The following IFIH1 variants were observed in gnomAD, a reference collection of about 807,000 sequenced individuals.
The protein encoded by IFIH1 is interferon-induced helicase C domain-containing protein 1.
IFIH1 carries 125 observed loss-of-function variants against 107.4 expected under a neutral mutation model. The ratio of observed to expected loss-of-function variants is 1.16; its 90% confidence interval spans 1.01 to 1.35. The LOEUF is 1.35. IFIH1 is among the 40% of genes most tolerant of loss of function. The pLI, the probability that IFIH1 is intolerant of heterozygous loss-of-function variation, is 0.00. For synonymous variants in IFIH1, 458 were observed against 413.2 expected, an observed-to-expected ratio of 1.11 and a Z score of -1.31; for missense variants, 1,333 against 1,213.7, an observed-to-expected ratio of 1.10 and a Z score of -1.46.
At position 162,277,440 on chromosome 2, in the gene IFIH1, A is replaced by G. The variant is rs779835794; in HGVS notation, c.2019T>C (p.Asp673=). 4.4e-6 allele frequency: 7 copies of G among 1,609,018 alleles called. No individual in the cohort carries two copies. The Admixed American group carries it at 1.2e-4, about 27-fold the overall frequency. Residue 673 remains aspartate, a synonymous_variant, in exon 10 of 16, where the codon GAT becomes GAC. Transcript: ENST00000649979. ...CAAAAAATAAAGTCATGAGAAATCT[A>G]TCTGTTTCATCCAGTTTCAAAGGTT... is the stretch of plus-strand genomic sequence containing the variant. The part of the protein sequence containing the change: ...LKKPLKLDET[D]RFLMTLFFEN...
At chr2:162,270,803 AT>A (rs1468578615) in intron 13 of IFIH1, among the ~76,000 whole-genome samples, 1 of 152,184 alleles carries the variant, frequency 6.6e-6, no homozygotes, top group African/African-American at 2.4e-5. Context: ...CAAAAGTTTG[AT>A]TTGATACTCT....
chr2:162,281,179 G>A (rs1682800315), intron 7 of IFIH1, 149 bp downstream of exon 7: 3 of 604,682 alleles, frequency 5.0e-6, no homozygotes, highest in Non-Finnish European at 5.9e-6. Context: ...TTCTGTAGAA[G>A]ACTGAGTATA....
At chr2:162,295,255 A>G (rs1475232864) in intron 3 of IFIH1, among the ~76,000 whole-genome samples, 5 of 152,012 alleles carry the variant, frequency 3.3e-5, no homozygotes, top group Non-Finnish European at 5.9e-5. Flanking sequence ...TTCTGTTCCA[A>G]TAGTTTTTCC....
chr2:162,267,757 C>G (rs1690954710), intron 14 of IFIH1, among the ~76,000 whole-genome samples, 188 bp from the exon 15 acceptor site: 1 of 152,216 alleles, frequency 6.6e-6, no homozygotes, highest in African/African-American at 2.4e-5. Context: ...ACATACCTCT[C>G]AAGGGGCATG....
intron 3 of IFIH1, among the ~76,000 whole-genome samples, 192 bp downstream of exon 3, chr2:162,306,517 T>C (rs932218938): frequency 4.6e-5 from 7 of 152,238 alleles, no homozygotes; most frequent in Non-Finnish European, 1.0e-4. Flanking sequence ...AACACATCGA[T>C]ATTGGATTAG....
intron 13 of IFIH1, among the ~76,000 whole-genome samples, chr2:162,272,010 T>C (rs1229545448): frequency 6.6e-6 from 1 of 152,180 alleles, no homozygotes; most frequent in Non-Finnish European, 1.5e-5. Flanking sequence ...AAATTTATGG[T>C]TGGTTTTACT....
chr2:162,269,606 G>T (rs1690994649), intron 13 of IFIH1, among the ~76,000 whole-genome samples: 1 of 152,168 alleles, frequency 6.6e-6, no homozygotes, highest in Non-Finnish European at 1.5e-5. Context: ...GAAAAATCTG[G>T]TTCTTGAATA....
At position 162,268,126 on chromosome 2, in the gene IFIH1, A is replaced by G. The variant is rs748620268; in HGVS notation, c.2768T>C (p.Ile923Thr). 4 of 1,608,968 alleles carry G rather than the reference A, an allele frequency of 2.5e-6. No homozygotes were observed. Among genetic ancestry groups the G allele is most frequent in the Middle Eastern group, 1.7e-4 (1 of 6,056 alleles). ...CATATTGACGTGATGCATTTTCTCA[A>G]TTACATGGATATCTTCCCCAGAACA... ...LACSGEDIHV[I>T]EKMHHVNMTP... The change falls in exon 14 of 16, where the codon ATT becomes ACT. Residue 923 changes from isoleucine to threonine, a missense_variant. Coordinates refer to ENST00000649979, the MANE Select transcript of IFIH1 (RefSeq NM_022168.4).
chr2:162,276,599 C>T (rs1576224037), intron 11 of IFIH1, 88 bp downstream of exon 11: 20 of 1,424,196 alleles, frequency 1.4e-5, no homozygotes, highest in African/African-American at 2.9e-5. Context: ...AGCGAGGCCT[C>T]GTCTGAAAGA....
At chr2:162,269,508 T>C (rs1690992678) in intron 13 of IFIH1, among the ~76,000 whole-genome samples, 1 of 152,192 alleles carries the variant, frequency 6.6e-6, no homozygotes, top group African/African-American at 2.4e-5. Flanking sequence ...GCAGCACTTA[T>C]TTTATAATGG....
intron 3 of IFIH1, among the ~76,000 whole-genome samples, chr2:162,296,203 C>T (rs1034151219): frequency 2.0e-4 from 31 of 151,946 alleles, no homozygotes; most frequent in African/African-American, 6.8e-4. Context: ...TTCTAACATC[C>T]GTAAGTTTTG....
intron 3 of IFIH1, 97 bp downstream of exon 3, chr2:162,306,612 A>T (rs888670345): frequency 1.3e-6 from 1 of 778,278 alleles, no homozygotes; most frequent in Non-Finnish European, 2.0e-6. Context: ...ACTAACCTTA[A>T]TGCCCACATT....
intron 12 of IFIH1, 97 bp from the exon 13 acceptor site, chr2:162,272,484 G>C: frequency 4.8e-6 from 5 of 1,044,932 alleles, no homozygotes; most frequent in Middle Eastern, 2.1e-4. Flanking sequence ...AGAATGAAAT[G>C]ATATTGGGTT....
chr2:162,285,425 G>A lies in IFIH1; in HGVS notation c.1095+2710C>T, dbSNP rs527962618. Among the ~76,000 whole-genome samples, 10 of 152,028 alleles carry A rather than the reference G, an allele frequency of 6.6e-5. No homozygotes were observed. The East Asian group carries it at 1.9e-3, about 29-fold the overall frequency. ...GTTGTTGGGCCAAACACAAGATTCA[G>A]GTTACTTAGACTTACTGGGCCAGAG... On this transcript the variant is annotated intron_variant, in intron 5 of 15. Coordinates refer to ENST00000649979, the MANE Select transcript of IFIH1 (RefSeq NM_022168.4).
In IFIH1 at chr2:162,272,205, T is replaced by G. The variant is rs746728009; in HGVS notation, c.2616+21A>C. On this transcript the variant is annotated intron_variant, in intron 13 of 15. Coordinates refer to ENST00000649979, the MANE Select transcript of IFIH1 (RefSeq NM_022168.4). ...CCGCCATTTTTAAATGAAAATCAAA[T>G]TCAGAGGTGACCAACAATACCTTAT... is the stretch of plus-strand genomic sequence containing the variant. 7 of 1,599,614 alleles carry G rather than the reference T, an allele frequency of 4.4e-6. No individual in the cohort carries two copies. The South Asian group carries it at 7.8e-5, about 18-fold the overall frequency.
Position 162,277,479 on chromosome 2 carries a change from C to T in IFIH1, c.1980G>A (p.Glu660=), listed in dbSNP as rs777359322. 3 of 1,605,252 alleles carry T rather than the reference C, an allele frequency of 1.9e-6. No homozygotes were observed. The highest frequency in any genetic ancestry group is 2.6e-6 in the Non-Finnish European group (3 of 1,173,074). The change falls in exon 10 of 16, where the codon GAG becomes GAA. Residue 660 remains glutamate, a synonymous_variant. Transcript: ENST00000649979. ...GTTTCAAAGGTTTCTTTAAATCATCCTCATCTTCATCACCATCACAATACT... is the reference window on the plus strand; with the variant it reads ...GTTTCAAAGGTTTCTTTAAATCATCTTCATCTTCATCACCATCACAATACT... ...DDEYCDGDED[E]DDLKKPLKLD...
intron 8 of IFIH1, 61 bp downstream of exon 8, chr2:162,279,935 T>C: frequency 1.1e-6 from 1 of 910,834 alleles, no homozygotes; most frequent in East Asian, 2.4e-5. Context: ...AAATAGCCTT[T>C]GCCATCTTTC....
At chr2:162,301,325 T>C (rs1683189587) in intron 3 of IFIH1, among the ~76,000 whole-genome samples, 1 of 152,154 alleles carries the variant, frequency 6.6e-6, no homozygotes, top group Admixed American at 6.5e-5. Context: ...CATTATAATC[T>C]TTCACGCTGA....
rs182290895 is a variant in IFIH1 at position 162,298,745 on chromosome 2, T to C, written c.770-5077A>G. On this transcript the variant is annotated intron_variant, in intron 3 of 15. Transcript: ENST00000649979. ...TGAGAGGAAATAGATCACTTTTATT[T>C]TCAGCTCTATGTATATGGATCTACA... Among the ~76,000 whole-genome samples, 13 of 152,022 alleles carry C rather than the reference T, an allele frequency of 8.6e-5. No individual in the cohort carries two copies. The East Asian group carries it at 2.5e-3, about 30-fold the overall frequency.
Sources: allele counts gnomAD v4.1 joint callset (sites outside exome capture counted in the v4.1 genomes callset), GRCh38; gene constraint gnomAD v4.1.1; transcripts MANE v1.5; gene names NCBI Gene and HGNC (gene_info 2026-07-23, HGNC 2026-07-21).